Variants in THTPA observed in about 807,000 individuals in gnomAD.
THTPA encodes the protein thiamine-triphosphatase.
A neutral mutation model predicts 16.5 loss-of-function variants in THTPA; 16 were observed. The ratio of observed to expected loss-of-function variants is 0.97; its 90% CI spans 0.66 to 1.47. The LOEUF (loss-of-function observed/expected upper bound fraction) is 1.47, where lower values mean the gene tolerates loss of function less well. Among genes scored for constraint, THTPA ranks in the 40% most tolerant of loss-of-function variants. THTPA has a pLI of 0.00. For synonymous variants in THTPA, 110 were observed against 115.5 expected (o/e 0.95, Z 0.30); for missense variants, 281 against 280.9 (o/e 1.00, Z 0.00).
chr14:23,553,900 A>G (rs1882152752), upstream of THTPA, among the ~76,000 whole-genome samples: 1 of 151,952 alleles, frequency 6.6e-6, no homozygotes, highest in Non-Finnish European at 1.5e-5. Context: ...TCTCAAACAA[A>G]CAAACAAACA....
chr14:23,522,175 C>T, the THTPA span: 3 of 1,497,214 alleles, frequency 2.0e-6, no homozygotes, highest in Non-Finnish European at 2.7e-6. Flanking sequence ...CACTCAGCAG[C>T]ACCTCACATG....
At chr14:23,543,632 T>C in the THTPA span, 4 of 152,240 alleles carry the variant, frequency 2.6e-5, no homozygotes, top group Non-Finnish European at 5.9e-5. Flanking sequence ...GCACTGGCCA[T>C]GCCCTGTGTG....
At chr14:23,529,686 C>A in the THTPA span, 1 of 1,535,218 alleles carries the variant, frequency 6.5e-7, no homozygotes, top group South Asian at 1.2e-5. Context: ...CACTTCAGCT[C>A]TTCCCAGTTA....
the THTPA span, chr14:23,521,604 G>C: frequency 1.3e-5 from 3 of 225,372 alleles, no homozygotes; most frequent in South Asian, 2.9e-4. Context: ...ATGGGGAGCT[G>C]GGAATTCAGT....
intron 1 of THTPA, among the ~76,000 whole-genome samples, chr14:23,557,795 G>GT (rs530716520): frequency 2.0e-5 from 3 of 151,932 alleles, no homozygotes; most frequent in Non-Finnish European, 4.4e-5. Context: ...TCCACAAGGA[G>GT]TAAAAAGTAA....
At chr14:23,521,885 G>C in the THTPA span, 2 of 1,515,026 alleles carry the variant, frequency 1.3e-6, no homozygotes, top group Admixed American at 4.1e-5. Context: ...TGAGGGATTT[G>C]AGCTCCCACC....
chr14:23,556,764 C>T lies in THTPA; in HGVS notation c.7C>T (p.Gln3Ter). The T allele has an allele frequency of 6.2e-7, 1 of 1,612,984 alleles. No individual in the cohort carries two copies. The highest frequency in any genetic ancestry group is 1.1e-5 in the South Asian group (1 of 90,892). Residue 3 changes from glutamine to a stop codon, truncating the protein, a stop_gained, in exon 1 of 2, where the codon CAG (glutamine) becomes TAG (stop). Transcript: ENST00000288014. LOFTEE classifies it high-confidence loss of function. MA[Q>*]GLIEVERKFL... ...TCAGCCAATTGCAGGTAGCATGGCC[C>T]AGGGCTTGATTGAGGTGGAGCGAAA...
chr14:23,524,176 C>G, the THTPA span: 15 of 1,535,982 alleles, frequency 9.8e-6, no homozygotes, highest in Middle Eastern at 1.7e-4. This position sits in a 1 kb window ranked among gnomAD's most constrained non-coding sequence, Gnocchi z 5.6. Context: ...TAGGCACCCC[C>G]CCAGGGGTGC....
the THTPA span, chr14:23,531,514 G>A: frequency 1.4e-6 from 2 of 1,471,836 alleles, no homozygotes; most frequent in African/African-American, 2.8e-5. Flanking sequence ...CTGAAGCTCA[G>A]GATGCTCTGA....
the THTPA span, chr14:23,543,058 TA>T: frequency 5.3e-5 from 8 of 152,338 alleles, no homozygotes; most frequent in Admixed American, 4.6e-4. Flanking sequence ...TGTATGTAAA[TA>T]AGTCTTTCTG....
chr14:23,524,819 C>T, the THTPA span: 1 of 1,536,994 alleles, frequency 6.5e-7, no homozygotes, highest in Non-Finnish European at 8.7e-7. This position sits in a 1 kb window ranked among gnomAD's most constrained non-coding sequence, Gnocchi z 5.6. Flanking sequence ...CTCCTCTTCC[C>T]CTCTCTCTGC....
chr14:23,547,728 G>C, the THTPA span, among the ~76,000 whole-genome samples: 1 of 152,076 alleles, frequency 6.6e-6, no homozygotes, highest in Non-Finnish European at 1.5e-5. Flanking sequence ...ACTTAGGTGG[G>C]GGGAGTGGGT....
chr14:23,530,105 G>A, the THTPA span: 2 of 1,535,198 alleles, frequency 1.3e-6, no homozygotes, highest in African/African-American at 2.7e-5. Flanking sequence ...TGGGGGGAAG[G>A]GAGGGAAAAC....
chr14:23,525,863 T>G, the THTPA span: 18 of 1,451,900 alleles, frequency 1.2e-5, no homozygotes, highest in Non-Finnish European at 1.6e-5. The surrounding 1 kb of genome is among the most constrained non-coding windows in gnomAD (Gnocchi z 5.9). Context: ...CAGCTGCTGC[T>G]GCTGGAGCTT....
At chr14:23,554,247 A>G (rs144168214), upstream of THTPA, among the ~76,000 whole-genome samples, 10 of 152,258 alleles carry the variant, frequency 6.6e-5, no homozygotes, top group East Asian at 1.9e-3. Flanking sequence ...CCAGGTTAAC[A>G]AAACCGGAAA....
Position 23,560,174 on chromosome 14 carries a change from T to A in THTPA, c.*1334T>A. 8 of 1,547,796 alleles carry A rather than the reference T, an allele frequency of 5.2e-6. No homozygotes were observed. The South Asian group carries it at 8.2e-5, about 16-fold the overall frequency. On this transcript the variant is annotated 3_prime_UTR_variant, in exon 2 of 2. Transcript: ENST00000288014. ...CAGATGACTCAATCCCATCTCACAC[T>A]GTCTCCCACCCACCTCCTCCACTTA...
chr14:23,521,529 G>C, the THTPA span: 1 of 158,580 alleles, frequency 6.3e-6, no homozygotes, highest in Admixed American at 6.4e-5. Context: ...ATTTTTTGGT[G>C]TTTTCTCAGT....
At chr14:23,527,200 A>T in the THTPA span, among the ~76,000 whole-genome samples, 949 of 152,204 alleles carry the variant, frequency 6.2e-3, 8 homozygotes, top group African/African-American at 0.022. Flanking sequence ...AGAAGTCATC[A>T]TTCTTTGAGG....
At chr14:23,533,686 C>A in the THTPA span, 1 of 1,538,770 alleles carries the variant, frequency 6.5e-7, no homozygotes, top group Non-Finnish European at 8.7e-7. The surrounding 1 kb of genome is among the most constrained non-coding windows in gnomAD (Gnocchi z 4.8). Context: ...TGGTGGACTT[C>A]CCTGCCCACC....
Sources: allele counts gnomAD v4.1 joint callset (sites outside exome capture counted in the v4.1 genomes callset), GRCh38; gene constraint gnomAD v4.1.1; non-coding constraint Gnocchi (gnomAD v3.1); transcripts MANE v1.5; gene names NCBI Gene and HGNC (gene_info 2026-07-23, HGNC 2026-07-21).